The following FBXO34 variants were observed in gnomAD, a reference collection of about 807,000 sequenced individuals.
FBXO34 encodes F-box protein 34, also known as F-box only protein 34.
In FBXO34, 12 loss-of-function variants were observed where a neutral mutation model predicts 24.5. The ratio of observed to expected loss-of-function variants is 0.49; its 90% CI spans 0.31 to 0.79. The LOEUF (loss-of-function observed/expected upper bound fraction) is 0.79. Among genes scored for constraint, FBXO34 ranks in the 30% least tolerant of loss-of-function variants. The pLI, the probability that FBXO34 is intolerant of heterozygous loss-of-function variation, is 0.04. For missense variants in FBXO34, 823 were observed against 857.7 expected (o/e 0.96, Z 0.51); for synonymous variants, 320 against 311.9 (o/e 1.03, Z -0.27).
the FBXO34 span, chr14:55,397,566 T>A: frequency 1.4e-6 from 1 of 723,322 alleles, no homozygotes; most frequent in Non-Finnish European, 2.4e-6. Context: ...TAAATACACG[T>A]CTTCTCAACG....
rs774410907 is a variant in FBXO34, at chr14:55,312,217, AC to A, written c.-10-38163del. 9.1e-3 allele frequency among the ~76,000 whole-genome samples: 1,390 copies of A among 152,124 alleles called. 9 individuals are homozygous for A. Among genetic ancestry groups the A allele is most frequent in the Non-Finnish European group, 0.015 (1,025 of 67,992 alleles). On this transcript the variant is annotated intron_variant, in intron 1 of 1. Coordinates refer to ENST00000313833, the MANE Select transcript of FBXO34 (RefSeq NM_017943.4). ...ACTTTGTCTCAAAACAAACAAACAA[AC>A]AAAAAACCTTAAAGTTCCAAAATGA... is the stretch of plus-strand genomic sequence containing the variant.
rs777546946 is a variant in FBXO34 at position 55,350,765 on chromosome 14, C to T, written c.375C>T (p.Ser125=). 5.0e-6 allele frequency: 8 copies of T among 1,608,240 alleles called. No homozygotes were observed. Among genetic ancestry groups the T allele is most frequent in the Non-Finnish European group, 5.9e-6 (7 of 1,178,110 alleles). Residue 125 remains serine, a synonymous_variant, in exon 2 of 2, where the codon TCC becomes TCT. Transcript: ENST00000313833. ...AGGAAAAAATTGCATTCTTTGCATC[C>T]CACCAGTGTAGTAACAGGATAGGAT... The part of the protein sequence containing the change: ...NTKEKIAFFA[S]HQCSNRIGSM...
At chr14:55,363,357 C>G (rs559277887), downstream of FBXO34, among the ~76,000 whole-genome samples, 22 of 149,620 alleles carry the variant, frequency 1.5e-4, no homozygotes, top group Non-Finnish European at 2.7e-4. Context: ...CAGATAGAGT[C>G]TGCTCTTTCG....
At chr14:55,428,567 T>G in the FBXO34 span, among the ~76,000 whole-genome samples, 1 of 152,168 alleles carries the variant, frequency 6.6e-6, no homozygotes, top group Non-Finnish European at 1.5e-5. Context: ...CAGAGATGTG[T>G]GCTTTAATAA....
chr14:55,342,991 G>T (rs1303979626), intron 1 of FBXO34, among the ~76,000 whole-genome samples: 1 of 152,156 alleles, frequency 6.6e-6, no homozygotes, highest in Non-Finnish European at 1.5e-5. Context: ...GGCTTCAGAA[G>T]TCACTTTATT....
chr14:55,304,135 C>G (rs547053433), intron 1 of FBXO34, among the ~76,000 whole-genome samples: 3 of 152,266 alleles, frequency 2.0e-5, no homozygotes, highest in South Asian at 2.1e-4. Context: ...TCTAATGAAA[C>G]TAGCTCTAAG....
At chr14:55,335,785 C>T (rs997940102) in intron 1 of FBXO34, among the ~76,000 whole-genome samples, 3 of 152,126 alleles carry the variant, frequency 2.0e-5, no homozygotes, top group African/African-American at 4.8e-5. Context: ...ATATCTAGCT[C>T]ATAGAATTGT....
intron 1 of FBXO34, among the ~76,000 whole-genome samples, chr14:55,274,831 T>C (rs1566535989): frequency 6.6e-6 from 1 of 152,256 alleles, no homozygotes; most frequent in Non-Finnish European, 1.5e-5. Context: ...CATTTAGTGT[T>C]ATCTTCCAAA....
At chr14:55,433,134 A>AT in the FBXO34 span, among the ~76,000 whole-genome samples, 47 of 151,636 alleles carry the variant, frequency 3.1e-4, no homozygotes, top group African/African-American at 1.1e-3. Flanking sequence ...GTATTTTATT[A>AT]TTTTTTTTAA....
chr14:55,350,714 G>T lies in FBXO34; in HGVS notation c.324G>T (p.Trp108Cys), dbSNP rs1020119009. ...AAGAAGAAGGACCACTTGATATCTG[G>T]GCTGTTGTGAAACCTGGAAATACCA... ...QGEEEGPLDI[W>C]AVVKPGNTKE... Residue 108 changes from tryptophan to cysteine, a missense_variant, in exon 2 of 2, where the codon TGG becomes TGT. Transcript: ENST00000313833. The T allele has an allele frequency of 9.9e-6, 16 of 1,612,958 alleles. No individual in the cohort carries two copies. The highest frequency in any genetic ancestry group is 1.2e-5 in the Non-Finnish European group (14 of 1,179,792).
chr14:55,349,314 C>T (rs2140086368), intron 1 of FBXO34, among the ~76,000 whole-genome samples: 1 of 152,182 alleles, frequency 6.6e-6, no homozygotes, highest in East Asian at 1.9e-4. Flanking sequence ...TGCATGTAAT[C>T]ATCTTTTTGT....
At chr14:55,380,298 A>T in the FBXO34 span, among the ~76,000 whole-genome samples, 11 of 152,204 alleles carry the variant, frequency 7.2e-5, no homozygotes, top group South Asian at 2.3e-3. Context: ...AACGGCTGCG[A>T]TTTAACATAT....
At position 55,285,524 on chromosome 14, in the gene FBXO34, G is replaced by A. The variant is rs550819942; in HGVS notation, c.-11+13987G>A. ...ATCGTGCCTGTGAATAACCACTGCC[G>A]TCCAGCATTGGCAACATAGTGAGAC... On this transcript the variant is annotated intron_variant, in intron 1 of 1. Coordinates refer to ENST00000313833, the MANE Select transcript of FBXO34 (RefSeq NM_017943.4). The A allele has an allele frequency of 5.3e-5, 8 of 151,924 alleles. No homozygotes were observed. In the South Asian group the frequency reaches 6.2e-4, roughly 12 times the overall value. The allele number at this position is 151,924 out of a possible 1,614,324, so 9.4% of individuals were successfully genotyped here.
the FBXO34 span, among the ~76,000 whole-genome samples, chr14:55,431,871 A>G: frequency 1.3e-5 from 2 of 152,256 alleles, no homozygotes; most frequent in African/African-American, 4.8e-5. Flanking sequence ...ACTAGTGGCT[A>G]TATCATTGCA....
At chr14:55,431,497 A>T in the FBXO34 span, among the ~76,000 whole-genome samples, 2 of 152,188 alleles carry the variant, frequency 1.3e-5, no homozygotes, top group Middle Eastern at 3.2e-3. Flanking sequence ...TTACTTTATG[A>T]CTTCAAATTG....
At chr14:55,285,823 T>C (rs567792808) in intron 1 of FBXO34, among the ~76,000 whole-genome samples, 1 of 152,350 alleles carries the variant, frequency 6.6e-6, no homozygotes, top group Admixed American at 6.5e-5. Context: ...TGGCTATGAT[T>C]TAAATACATG....
downstream of FBXO34, among the ~76,000 whole-genome samples, chr14:55,374,398 G>T (rs1884880775): frequency 1.3e-5 from 2 of 152,048 alleles, no homozygotes; most frequent in African/African-American, 4.8e-5. Context: ...TAGGTTGTTG[G>T]TCTTTCCTGT....
At chr14:55,442,797 T>C in the FBXO34 span, among the ~76,000 whole-genome samples, 2 of 152,210 alleles carry the variant, frequency 1.3e-5, no homozygotes, top group Non-Finnish European at 2.9e-5. Flanking sequence ...ATAGACTGAA[T>C]TGTTTCCCCC....
chr14:55,392,568 G>C, the FBXO34 span, among the ~76,000 whole-genome samples: 5 of 150,806 alleles, frequency 3.3e-5, no homozygotes, highest in Admixed American at 3.3e-4. Flanking sequence ...AGAATCGCTT[G>C]AGCCCAGGAG....
Sources: gnomAD v4.1 joint callset for allele counts (sites outside exome capture counted in the v4.1 genomes callset) on GRCh38, gnomAD v4.1.1 for gene constraint, MANE v1.5 for transcripts, NCBI Gene and HGNC (gene_info 2026-07-23, HGNC 2026-07-21) for gene names.